The following LYPD6B variants were observed in gnomAD, a reference collection of about 807,000 sequenced individuals.
The protein encoded by LYPD6B is ly6/PLAUR domain-containing protein 6B.
A neutral mutation model predicts 22.8 loss-of-function variants in LYPD6B; 17 were observed. The ratio of observed to expected loss-of-function variants is 0.75; its 90% CI spans 0.51 to 1.12. LYPD6B has a LOEUF of 1.12. Among genes scored for constraint, LYPD6B ranks in the 50% most tolerant of loss-of-function variants. The pLI, the probability that LYPD6B is intolerant of heterozygous loss-of-function variation, is 0.00. For missense variants in LYPD6B, 221 were observed against 258.3 expected (o/e 0.86, Z 0.99); for synonymous variants, 106 against 91.6 (o/e 1.16, Z -0.90).
chr2:149,197,230 C>T (rs796480423), intron 3 of LYPD6B, among the ~76,000 whole-genome samples: 22 of 152,192 alleles, frequency 1.4e-4, no homozygotes, highest in African/African-American at 5.3e-4. Context: ...AAGAAATGGT[C>T]AGGCTAGACA....
chr2:149,190,108 A>G (rs1273087658), intron 3 of LYPD6B, among the ~76,000 whole-genome samples: 1 of 152,102 alleles, frequency 6.6e-6, no homozygotes, highest in African/African-American at 2.4e-5. Flanking sequence ...CTGGCTCTCT[A>G]CCTGTAGGCC....
chr2:149,199,958 C>T (rs1447628210), intron 3 of LYPD6B, among the ~76,000 whole-genome samples: 2 of 152,230 alleles, frequency 1.3e-5, no homozygotes, highest in Non-Finnish European at 2.9e-5. Flanking sequence ...CCTGGCCTAA[C>T]AGCCAGAAGC....
chr2:149,198,033 CT>C (rs11360700), intron 3 of LYPD6B, among the ~76,000 whole-genome samples: 29,697 of 144,704 alleles, frequency 0.21, 2,935 homozygotes, highest in East Asian at 0.36. Context: ...CTAAGCTTTT[CT>C]TTTTTTTTTT....
intron 3 of LYPD6B, among the ~76,000 whole-genome samples, chr2:149,164,056 C>T (rs1342644611): frequency 1.3e-5 from 2 of 151,802 alleles, no homozygotes; most frequent in African/African-American, 4.8e-5. Context: ...AAGAATAGAT[C>T]GGAGATACGG....
At chr2:149,111,602 T>G (rs1686763439) in intron 1 of LYPD6B, among the ~76,000 whole-genome samples, 1 of 152,050 alleles carries the variant, frequency 6.6e-6, no homozygotes, top group East Asian at 1.9e-4. Flanking sequence ...TTTGACATGG[T>G]GAGTTTGAGA....
intron 5 of LYPD6B, 48 bp from the exon 6 acceptor site, chr2:149,212,944 T>C: frequency 1.3e-6 from 2 of 1,586,256 alleles, no homozygotes; most frequent in South Asian, 1.1e-5. Flanking sequence ...ATATGGATAT[T>C]GAAATTACCT....
rs1434336832 is a variant in LYPD6B, at chr2:149,099,436, G to GGATCCTTGGTCCCCTCGTACCTAA, written c.-66-31424_-66-31423insAGATCCTTGGTCCCCTCGTACCTA. 5.3e-5 allele frequency among the ~76,000 whole-genome samples: 8 copies of GGATCCTTGGTCCCCTCGTACCTAA among 151,506 alleles called. No individual in the cohort carries two copies. The East Asian group carries it at 1.5e-3, about 29-fold the overall frequency. On this transcript the variant is annotated intron_variant, in intron 1 of 6. Transcript: ENST00000409642. Reference sequence around the variant, plus strand: ...CTTGGGCCTAGGATCCTTGTACCTAGGATCCTTGGTCCCCTCGTACCTAGG... The same window carrying GGATCCTTGGTCCCCTCGTACCTAA: ...CTTGGGCCTAGGATCCTTGTACCTAGGATCCTTGGTCCCCTCGTACCTAAGATCCTTGGTCCCCTCGTACCTAGG...
At chr2:149,190,063 C>T (rs1692393902) in intron 3 of LYPD6B, among the ~76,000 whole-genome samples, 1 of 152,200 alleles carries the variant, frequency 6.6e-6, no homozygotes, top group Admixed American at 6.5e-5. Context: ...GTCCCTTTCT[C>T]ACTTCTGTTC....
Position 149,215,020 on chromosome 2 carries a change from A to G in LYPD6B, c.*310A>G. On this transcript the variant is annotated 3_prime_UTR_variant, in exon 7 of 7. Coordinates refer to ENST00000409642, the MANE Select transcript of LYPD6B (RefSeq NM_177964.5). Reference sequence around the variant, plus strand: ...TCCCACCTGACTAGGCCTTTAGCTGAAAGGATTTCTTGACCTCCTTGACTG... The same window carrying G: ...TCCCACCTGACTAGGCCTTTAGCTGGAAGGATTTCTTGACCTCCTTGACTG... 1 of 327,116 alleles carries G rather than the reference A, an allele frequency of 3.1e-6. No individual in the cohort carries two copies. Among genetic ancestry groups the G allele is most frequent in the Non-Finnish European group, 5.7e-6 (1 of 175,644 alleles). 20.3% of individuals were successfully genotyped at this position (327,116 alleles called of 1,614,324 possible).
At chr2:149,154,066 T>A in intron 2 of LYPD6B, 1 of 965,720 alleles carries the variant, frequency 1.0e-6, no homozygotes, top group Non-Finnish European at 1.2e-6. Context: ...AGTTTTGTGG[T>A]AAAGATGATG....
At chr2:149,201,402 T>C (rs1173633430) in intron 3 of LYPD6B, among the ~76,000 whole-genome samples, 1 of 152,202 alleles carries the variant, frequency 6.6e-6, no homozygotes, top group Non-Finnish European at 1.5e-5. Context: ...AGCTCTATTG[T>C]GACCTTGATC....
intron 2 of LYPD6B, among the ~76,000 whole-genome samples, chr2:149,154,315 C>T (rs189083): frequency 0.77 from 117,601 of 151,830 alleles, 45,995 homozygotes; most frequent in Non-Finnish European, 0.83. Flanking sequence ...TGGAGTTATG[C>T]AGCCAAAGCA....
chr2:149,142,543 G>C (rs1392063805), intron 2 of LYPD6B, among the ~76,000 whole-genome samples: 1 of 152,168 alleles, frequency 6.6e-6, no homozygotes, highest in East Asian at 1.9e-4. Context: ...TAGGGGAACA[G>C]GACAGGAGAT....
chr2:149,156,294 T>C (rs2105857187), intron 2 of LYPD6B, among the ~76,000 whole-genome samples: 1 of 152,262 alleles, frequency 6.6e-6, no homozygotes, highest in East Asian at 1.9e-4. Flanking sequence ...GATTTAGAGA[T>C]TACCCTGCTT....
At chr2:149,121,340 T>C (rs895061983) in intron 1 of LYPD6B, among the ~76,000 whole-genome samples, 1 of 152,228 alleles carries the variant, frequency 6.6e-6, no homozygotes, top group Non-Finnish European at 1.5e-5. Flanking sequence ...TTCATCTTAA[T>C]GGGTTTGCTT....
intron 3 of LYPD6B, chr2:149,187,528 T>C (rs895023247): frequency 6.8e-5 from 101 of 1,476,888 alleles, no homozygotes; most frequent in Non-Finnish European, 8.9e-5. Context: ...TAAGATTCCC[T>C]GCGAGCAGGA....
At chr2:149,130,206 A>G (rs1350348535) in intron 1 of LYPD6B, among the ~76,000 whole-genome samples, 3 of 152,186 alleles carry the variant, frequency 2.0e-5, no homozygotes, top group Admixed American at 6.5e-5. Context: ...GTTTGTGCCA[A>G]TCTACTGATC....
At chr2:149,175,743 A>G (rs1021325498) in intron 3 of LYPD6B, among the ~76,000 whole-genome samples, 9 of 148,262 alleles carry the variant, frequency 6.1e-5, no homozygotes, top group African/African-American at 2.2e-4. Flanking sequence ...TACTTTTTAA[A>G]CTTTTGTCTT....
chr2:149,179,320 G>C (rs1053922805), intron 3 of LYPD6B, among the ~76,000 whole-genome samples: 1 of 152,206 alleles, frequency 6.6e-6, no homozygotes, highest in East Asian at 1.9e-4. Flanking sequence ...CTCAAACCAA[G>C]TCTACCAATC....
Sources: gnomAD v4.1 joint callset for allele counts (sites outside exome capture counted in the v4.1 genomes callset) on GRCh38, gnomAD v4.1.1 for gene constraint, MANE v1.5 for transcripts, NCBI Gene and HGNC (gene_info 2026-07-23, HGNC 2026-07-21) for gene names.